The following VWA3B variants were observed in gnomAD, a reference collection of about 807,000 sequenced individuals.
VWA3B encodes the protein von Willebrand factor A domain-containing protein 3B.
Under a neutral mutation model 158.3 loss-of-function variants are expected in VWA3B, and 138 were observed. The observed-to-expected ratio is 0.87, with a 90% CI of 0.76 to 1.00. The LOEUF (loss-of-function observed/expected upper bound fraction) is 1.00, where lower values mean the gene tolerates loss of function less well. VWA3B is among the 50% of genes least tolerant of loss of function. The pLI is 0.00. For missense variants in VWA3B, 1,555 were observed against 1,565.1 expected, an observed-to-expected ratio of 0.99 and a Z score of 0.11; for synonymous variants, 596 against 587.3, an observed-to-expected ratio of 1.01 and a Z score of -0.21.
intron 16 of VWA3B, among the ~76,000 whole-genome samples, chr2:98,232,539 T>A (rs1023807737): frequency 2.6e-5 from 4 of 152,214 alleles, no homozygotes; most frequent in Admixed American, 2.6e-4. Context: ...GCATTTGCTT[T>A]TTCTGATTGA....
intron 4 of VWA3B, 84 bp downstream of exon 4, chr2:98,119,847 A>T: frequency 5.4e-6 from 8 of 1,494,958 alleles, no homozygotes; most frequent in Non-Finnish European, 7.3e-6. Flanking sequence ...CAGCTGACAC[A>T]GTTAGCTCTC....
chr2:98,255,182 ATTTTT>A (rs769708577), intron 20 of VWA3B, among the ~76,000 whole-genome samples: 1 of 52,140 alleles, frequency 1.9e-5, no homozygotes, highest in Non-Finnish European at 3.4e-5. Flanking sequence ...CCCGGCTGAT[ATTTTT>A]TTTTTTTTTT....
At chr2:98,224,940 C>A (rs1684795901) in intron 14 of VWA3B, among the ~76,000 whole-genome samples, 1 of 151,870 alleles carries the variant, frequency 6.6e-6, no homozygotes. Flanking sequence ...GGGACTTACT[C>A]CATATATACA....
At chr2:98,182,138 G>A (rs966237229) in intron 9 of VWA3B, among the ~76,000 whole-genome samples, 4 of 152,218 alleles carry the variant, frequency 2.6e-5, no homozygotes, top group African/African-American at 4.8e-5. Flanking sequence ...GGTGACAGGC[G>A]GGTGACCGCA....
chr2:98,137,480 T>C (rs1676375444), intron 7 of VWA3B, among the ~76,000 whole-genome samples: 1 of 152,216 alleles, frequency 6.6e-6, no homozygotes, highest in Non-Finnish European at 1.5e-5. Context: ...AAATCCATGA[T>C]GATGAAAATA....
intron 22 of VWA3B, among the ~76,000 whole-genome samples, chr2:98,279,543 C>T (rs1290701155): frequency 6.6e-6 from 1 of 152,174 alleles, no homozygotes; most frequent in African/African-American, 2.4e-5. Flanking sequence ...AAGCAGAATC[C>T]AATTCATTCA....
Position 98,268,667 on chromosome 2 carries a change from A to G in VWA3B, c.2844-2015A>G, listed in dbSNP as rs1418888077. On this transcript the variant is annotated intron_variant, in intron 21 of 27. Transcript: ENST00000477737. ...TTGAATTATTTTTCAGGTAATTAAT[A>G]TATCTCCATTCCTTTTTTTTTTTTT... Among the ~76,000 whole-genome samples, 5 of 144,942 alleles carry G rather than the reference A, an allele frequency of 3.4e-5. No homozygotes were observed. In the East Asian group the frequency reaches 9.9e-4, roughly 29 times the overall value.
At chr2:98,296,920 AAT>A (rs1000116171) in intron 23 of VWA3B, among the ~76,000 whole-genome samples, 71 of 150,832 alleles carry the variant, frequency 4.7e-4, no homozygotes, top group African/African-American at 1.7e-3. Flanking sequence ...ATAATTAAAT[AAT>A]ATATATGTTT....
At chr2:98,329,138 G>GA in the VWA3B span, among the ~76,000 whole-genome samples, 5 of 152,020 alleles carry the variant, frequency 3.3e-5, no homozygotes, top group Non-Finnish European at 7.4e-5. Flanking sequence ...TTCATATGGG[G>GA]AAAAAATGAC....
chr2:98,210,572 T>G (rs1240047470), intron 12 of VWA3B, among the ~76,000 whole-genome samples: 1 of 152,220 alleles, frequency 6.6e-6, no homozygotes, highest in African/African-American at 2.4e-5. Flanking sequence ...TGAGAGCAGC[T>G]GGATGGGTCA....
At chr2:98,212,781 G>T (rs1384176520) in intron 13 of VWA3B, among the ~76,000 whole-genome samples, 1 of 151,598 alleles carries the variant, frequency 6.6e-6, no homozygotes, top group South Asian at 2.1e-4. Context: ...ATGACAGAAC[G>T]GGAGTGTGTA....
At chr2:98,267,990 G>A (rs1001291841) in intron 21 of VWA3B, among the ~76,000 whole-genome samples, 2 of 151,990 alleles carry the variant, frequency 1.3e-5, no homozygotes, top group Admixed American at 6.5e-5. Flanking sequence ...ACTAAACCAG[G>A]AAGAAATTGA....
intron 7 of VWA3B, among the ~76,000 whole-genome samples, chr2:98,149,702 A>G (rs1215284123): frequency 6.6e-6 from 1 of 152,164 alleles, no homozygotes; most frequent in African/African-American, 2.4e-5. Context: ...TTAGGTTTGG[A>G]AAGTTGGGGT....
intron 16 of VWA3B, among the ~76,000 whole-genome samples, chr2:98,230,733 A>G (rs973439589): frequency 6.6e-6 from 1 of 152,144 alleles, no homozygotes; most frequent in Non-Finnish European, 1.5e-5. Context: ...ATTTCCCCCT[A>G]AAATTGGGGG....
chr2:98,207,039 T>A (rs1683079619), intron 12 of VWA3B: 10 of 499,450 alleles, frequency 2.0e-5, no homozygotes, highest in South Asian at 1.5e-4. Flanking sequence ...ACCAAGAAGT[T>A]CAAGATGTAC....
intron 8 of VWA3B, among the ~76,000 whole-genome samples, chr2:98,169,874 T>C (rs1409296659): frequency 2.6e-5 from 4 of 152,188 alleles, no homozygotes; most frequent in African/African-American, 9.6e-5. Flanking sequence ...ATCCCAGCAC[T>C]TTAGGAGGCT....
intron 16 of VWA3B, among the ~76,000 whole-genome samples, chr2:98,232,930 C>CTGGCAGGGAGGAGGGCCT (rs1685435052): frequency 6.6e-6 from 1 of 152,116 alleles, no homozygotes; most frequent in African/African-American, 2.4e-5. Flanking sequence ...CCCCACATTG[C>CTGGCAGGGAGGAGGGCCT]TGGCAGGGAG....
At chr2:98,330,223 C>T in the VWA3B span, among the ~76,000 whole-genome samples, 3 of 152,144 alleles carry the variant, frequency 2.0e-5, no homozygotes, top group Admixed American at 6.5e-5. Context: ...TTTCCAGCCC[C>T]CAGCCTCCAA....
intron 25 of VWA3B, among the ~76,000 whole-genome samples, chr2:98,302,531 T>C (rs1356163810): frequency 6.6e-6 from 1 of 152,210 alleles, no homozygotes. Flanking sequence ...AAAAGCCAGG[T>C]AACAGTGGCT....
Sources: gnomAD v4.1 joint callset for allele counts (sites outside exome capture counted in the v4.1 genomes callset) on GRCh38, gnomAD v4.1.1 for gene constraint, MANE v1.5 for transcripts, NCBI Gene and HGNC (gene_info 2026-07-23, HGNC 2026-07-21) for gene names.